The following ZNF236 variants were observed in gnomAD, a reference collection of about 807,000 sequenced individuals.
ZNF236 encodes the protein zinc finger protein 236.
Under a neutral mutation model 191.2 loss-of-function variants are expected in ZNF236, and 50 were observed. The ratio of observed to expected loss-of-function variants is 0.26; its 90% confidence interval spans 0.21 to 0.33. ZNF236 has a LOEUF of 0.33. Ranked by LOEUF, ZNF236 falls within the 10% of genes least tolerant of loss-of-function variation. The probability of loss-of-function intolerance (pLI) is 1.00; values close to 1 mark genes in which losing one functional copy is unlikely to be tolerated. For missense variants in ZNF236, 1,754 were observed against 2,374.5 expected, an observed-to-expected ratio of 0.74 and a Z score of 5.43; for synonymous variants, 907 against 928.8, an observed-to-expected ratio of 0.98 and a Z score of 0.43.
chr18:76,915,561 A>G (rs902966650), intron 18 of ZNF236, 86 bp from the exon 19 acceptor site: 2 of 1,238,112 alleles, frequency 1.6e-6, no homozygotes, highest in Non-Finnish European at 2.3e-6. Flanking sequence ...TATTAAACAT[A>G]TCTTTGTTTG....
intron 9 of ZNF236, chr18:76,888,151 C>G (rs1977115056): frequency 6.6e-6 from 1 of 151,972 alleles, no homozygotes; most frequent in African/African-American, 2.4e-5. Context: ...GCAGGTGGAT[C>G]ACAAGATCAG....
chr18:76,920,917 G>C (rs953217685), intron 20 of ZNF236, among the ~76,000 whole-genome samples: 5 of 152,194 alleles, frequency 3.3e-5, no homozygotes, highest in Non-Finnish European at 7.3e-5. Flanking sequence ...AAGTATCAGC[G>C]TTCTCCTGAA....
At chr18:76,894,051 T>C (rs1977325014) in intron 9 of ZNF236, among the ~76,000 whole-genome samples, 1 of 152,234 alleles carries the variant, frequency 6.6e-6, no homozygotes, top group Non-Finnish European at 1.5e-5. Flanking sequence ...CTTTCTGATT[T>C]CATGTGGATT....
Position 76,910,803 on chromosome 18 carries a change from A to G in ZNF236, c.2797A>G (p.Met933Val). The G allele has an allele frequency of 6.2e-7, 1 of 1,614,136 alleles. No homozygotes were observed. Among genetic ancestry groups the G allele is most frequent in the Non-Finnish European group, 8.5e-7 (1 of 1,179,996 alleles). Reference protein sequence around the residue: ...SLLQAPSSDGMNVTTRLIQES... With the variant: ...SLLQAPSSDGVNVTTRLIQES... The stretch of plus-strand genomic sequence containing the variant: ...GCTGCAGGCTCCCAGCTCTGATGGG[A>G]TGAATGTAGTGAGTATGGACAGAGG... Residue 933 changes from methionine to valine, a missense_variant, in exon 16 of 31, where the codon ATG becomes GTG. Transcript: ENST00000320610.
At chr18:76,862,651 C>T (rs553847390) in intron 3 of ZNF236, among the ~76,000 whole-genome samples, 41 of 152,282 alleles carry the variant, frequency 2.7e-4, no homozygotes, top group Middle Eastern at 6.8e-3. Context: ...GTTGGGCCTC[C>T]CTCCCCATCA....
At chr18:76,835,387 A>C (rs1169242307) in intron 1 of ZNF236, among the ~76,000 whole-genome samples, 1 of 152,124 alleles carries the variant, frequency 6.6e-6, no homozygotes. Flanking sequence ...TTTTTCTGTC[A>C]GTTACTCAGA....
intron 3 of ZNF236, among the ~76,000 whole-genome samples, chr18:76,859,650 G>A (rs1976156072): frequency 6.6e-6 from 1 of 152,154 alleles, no homozygotes; most frequent in Non-Finnish European, 1.5e-5. Flanking sequence ...AAGACATGAT[G>A]TTATTGAAAC....
At chr18:76,956,268 T>C in intron 28 of ZNF236, 86 bp downstream of exon 28, 1 of 1,473,036 alleles carries the variant, frequency 6.8e-7, no homozygotes, top group Non-Finnish European at 9.1e-7. Context: ...GCCGGGAATC[T>C]GGCATGTGTT....
chr18:76,871,834 A>G lies in ZNF236; in HGVS notation c.667+9A>G. 1 of 1,614,110 alleles carries G rather than the reference A, an allele frequency of 6.2e-7. No homozygotes were observed. ...CATTAGGATACACACAGGTATGAAA[A>G]CACTGACTTCTGGATGACTGACCGT... On this transcript the variant is annotated intron_variant, in intron 5 of 30. Transcript: ENST00000320610.
At chr18:76,966,249 G>A (rs942420365) in intron 30 of ZNF236, among the ~76,000 whole-genome samples, 1 of 152,060 alleles carries the variant, frequency 6.6e-6, no homozygotes, top group African/African-American at 2.4e-5. Flanking sequence ...CCTCCCATCC[G>A]CCATGATCTC....
chr18:76,911,329 C>T (rs942469117), intron 16 of ZNF236, among the ~76,000 whole-genome samples: 1 of 151,804 alleles, frequency 6.6e-6, no homozygotes, highest in Admixed American at 6.6e-5. Flanking sequence ...ATTGTTATCC[C>T]TCTTTAAAAT....
At chr18:76,906,714 T>G (rs1038753743) in intron 13 of ZNF236, among the ~76,000 whole-genome samples, 2 of 152,168 alleles carry the variant, frequency 1.3e-5, no homozygotes, top group African/African-American at 4.8e-5. Flanking sequence ...GTGCGACCAT[T>G]GTTTGTCATC....
rs762619228 is a variant in ZNF236 at position 76,919,686 on chromosome 18, A to G, written c.3275-90A>G. On this transcript the variant is annotated intron_variant, in intron 19 of 30. Coordinates refer to ENST00000320610, the MANE Select transcript of ZNF236 (RefSeq NM_001306089.2). The surrounding 1 kb of genome is among the most constrained non-coding windows in gnomAD (Gnocchi z 5.3). ...CTTGGTTGAGTTATTAATTTTCATT[A>G]CATACATACCTATTTAGTTTTAATT... 6.8e-5 allele frequency: 96 copies of G among 1,419,636 alleles called. No homozygotes were observed. Among genetic ancestry groups the G allele is most frequent in the Non-Finnish European group, 9.2e-5 (95 of 1,036,610 alleles). The allele number at this position is 1,419,636 out of a possible 1,614,324, so 87.9% of individuals were successfully genotyped here. A position where few individuals can be genotyped will look rare whatever the true frequency, so the allele number is the denominator to read the frequency against.
rs55890756 is a variant in ZNF236 at position 76,925,144 on chromosome 18, G to A, written c.3662-45G>A. 0.056 allele frequency: 88,262 copies of A among 1,584,564 alleles called. 4,465 individuals are homozygous for A. The highest frequency in any genetic ancestry group is 0.25 in the African/African-American group (18,353 of 74,014). On this transcript the variant is annotated intron_variant, in intron 21 of 30. Transcript: ENST00000320610. The surrounding 1 kb of genome is among the most constrained non-coding windows in gnomAD (Gnocchi z 5.7). Reference sequence around the variant, plus strand: ...GCTGAGTGGGGTGGGGGTGAGTGTCGCGACTGCCATCGCCTCTGTTGATTC... The same window carrying A: ...GCTGAGTGGGGTGGGGGTGAGTGTCACGACTGCCATCGCCTCTGTTGATTC...
At chr18:76,861,336 C>T (rs1406541742) in intron 3 of ZNF236, among the ~76,000 whole-genome samples, 8 of 152,108 alleles carry the variant, frequency 5.3e-5, no homozygotes, top group Non-Finnish European at 1.0e-4. Flanking sequence ...ACAGTGAGAA[C>T]GGGAGGAGGA....
At chr18:76,883,038 A>G (rs1976941325) in intron 9 of ZNF236, among the ~76,000 whole-genome samples, 1 of 152,168 alleles carries the variant, frequency 6.6e-6, no homozygotes, top group South Asian at 2.1e-4. Context: ...CTCCTTCCTG[A>G]GAGTACACAT....
intron 3 of ZNF236, among the ~76,000 whole-genome samples, chr18:76,856,984 G>A (rs1402006174): frequency 6.6e-6 from 1 of 152,206 alleles, no homozygotes; most frequent in African/African-American, 2.4e-5. Context: ...GAACTCGCAT[G>A]GAAGGGATGC....
Position 76,851,410 on chromosome 18 carries a change from C to T in ZNF236, c.199-365C>T, listed in dbSNP as rs1017247073. ...CCTCCCAAAGTGCTGGGATTACAGG[C>T]GTGAGCCACCGTGCCTGGGCACAGA... On this transcript the variant is annotated intron_variant, in intron 2 of 30. Coordinates refer to ENST00000320610, the MANE Select transcript of ZNF236 (RefSeq NM_001306089.2). 4.6e-5 allele frequency among the ~76,000 whole-genome samples: 7 copies of T among 151,842 alleles called. No individual in the cohort carries two copies. In the East Asian group the frequency reaches 7.8e-4, roughly 17 times the overall value.
intron 25 of ZNF236, among the ~76,000 whole-genome samples, chr18:76,930,591 T>C (rs1967819361): frequency 6.6e-6 from 1 of 152,174 alleles, no homozygotes; most frequent in Non-Finnish European, 1.5e-5. Context: ...CATGTTAGTG[T>C]GTACTTGAGA....
Sources: allele counts gnomAD v4.1 joint callset (sites outside exome capture counted in the v4.1 genomes callset), GRCh38; gene constraint gnomAD v4.1.1; non-coding constraint Gnocchi (gnomAD v3.1); transcripts MANE v1.5; gene names NCBI Gene and HGNC (gene_info 2026-07-23, HGNC 2026-07-21).